Variants in MAD1L1 observed in about 807,000 individuals in gnomAD.
MAD1L1 encodes the protein mitotic arrest deficient 1 like 1.
Under a neutral mutation model 96.9 loss-of-function variants are expected in MAD1L1, and 95 were observed. That is an observed-to-expected ratio of 0.98 (90% CI 0.83 to 1.16). MAD1L1 has a LOEUF of 1.16. Among genes scored for constraint, MAD1L1 ranks in the 50% most tolerant of loss-of-function variants. MAD1L1 has a pLI of 0.00. For synonymous variants in MAD1L1, 473 were observed against 396.6 expected, an observed-to-expected ratio of 1.19 and a Z score of -2.29; for missense variants, 1,007 against 954.4, an observed-to-expected ratio of 1.06 and a Z score of -0.73.
intron 18 of MAD1L1, among the ~76,000 whole-genome samples, chr7:1,886,693 T>C (rs1257702466): frequency 6.6e-6 from 1 of 152,278 alleles, no homozygotes; most frequent in Non-Finnish European, 1.5e-5. Context: ...GGCCTGAGCC[T>C]GGGCCTGTGA....
At chr7:1,986,276 G>A (rs1781135413) in intron 14 of MAD1L1, among the ~76,000 whole-genome samples, 1 of 130,208 alleles carries the variant, frequency 7.7e-6, no homozygotes, top group Non-Finnish European at 1.9e-5. Flanking sequence ...TACGTGTGAT[G>A]CACCTGTGTG....
At chr7:1,936,943 C>A in intron 16 of MAD1L1, 46 bp from the exon 17 acceptor site, 2 of 1,473,564 alleles carry the variant, frequency 1.4e-6, no homozygotes, top group Non-Finnish European at 1.8e-6. Flanking sequence ...CAGGCACACA[C>A]GCAGCACGGG....
chr7:2,097,596 G>A (rs1290761243), intron 11 of MAD1L1, among the ~76,000 whole-genome samples: 2 of 152,196 alleles, frequency 1.3e-5, no homozygotes, highest in Admixed American at 1.3e-4. Context: ...AAGCTATGAG[G>A]GTGAGAACCC....
At chr7:2,214,216 C>A (rs1793139850) in intron 9 of MAD1L1, among the ~76,000 whole-genome samples, 1 of 152,200 alleles carries the variant, frequency 6.6e-6, no homozygotes, top group Admixed American at 6.5e-5. Flanking sequence ...GGACATGGAG[C>A]AGCAAGCACC....
chr7:1,987,791 C>A (rs1389076476), intron 14 of MAD1L1, among the ~76,000 whole-genome samples: 1 of 152,226 alleles, frequency 6.6e-6, no homozygotes, highest in African/African-American at 2.4e-5. Flanking sequence ...TGGCAGGGCA[C>A]AGGCCCGGGG....
At chr7:1,875,401 C>A (rs1480980357) in intron 18 of MAD1L1, among the ~76,000 whole-genome samples, 9 of 152,246 alleles carry the variant, frequency 5.9e-5, no homozygotes, top group Non-Finnish European at 8.8e-5. Flanking sequence ...CCACTAAGAA[C>A]AACGCGAAGT....
intron 10 of MAD1L1, among the ~76,000 whole-genome samples, chr7:2,178,027 G>A (rs888725058): frequency 2.0e-5 from 3 of 152,180 alleles, no homozygotes; most frequent in Non-Finnish European, 2.9e-5. Flanking sequence ...AGATCTAACA[G>A]GATAAGAATT....
At position 2,156,112 on chromosome 7, in the gene MAD1L1, G is replaced by A. The variant is rs369750956; in HGVS notation, c.987-6874C>T. Among the ~76,000 whole-genome samples the A allele has an allele frequency of 4.6e-5, 7 of 152,134 alleles. No individual in the cohort carries two copies. The East Asian group carries it at 1.3e-3, about 29-fold the overall frequency. On this transcript the variant is annotated intron_variant, in intron 10 of 18. Coordinates refer to ENST00000265854, the MANE Select transcript of MAD1L1 (RefSeq NM_001013836.2). Reference sequence around the variant, plus strand: ...GTGGGCGCATGGTTTCACGGCGCGTGTGGCGAGGGCAGCGGGCGCACGGTT... The same window carrying A: ...GTGGGCGCATGGTTTCACGGCGCGTATGGCGAGGGCAGCGGGCGCACGGTT...
chr7:1,906,049 C>CA (rs10570929), intron 17 of MAD1L1, among the ~76,000 whole-genome samples: 930 of 91,762 alleles, frequency 0.01, 7 homozygotes, highest in East Asian at 0.024. Flanking sequence ...GACTCCATCT[C>CA]AAAAAAAAAA....
intron 16 of MAD1L1, chr7:1,940,052 C>G (rs558386285): frequency 1.3e-5 from 2 of 152,502 alleles, no homozygotes; most frequent in Admixed American, 6.5e-5. Context: ...TGCCACCCCC[C>G]TCATGGAAGA....
chr7:1,972,549 T>C (rs1347897583), intron 15 of MAD1L1, among the ~76,000 whole-genome samples: 1 of 152,170 alleles, frequency 6.6e-6, no homozygotes, highest in Admixed American at 6.5e-5. Flanking sequence ...TTGATGATTT[T>C]GGTGGTGTCT....
At chr7:1,949,488 A>T (rs1296822284) in intron 16 of MAD1L1, among the ~76,000 whole-genome samples, 2 of 152,206 alleles carry the variant, frequency 1.3e-5, no homozygotes, top group Non-Finnish European at 2.9e-5. Flanking sequence ...GGCCATGGGC[A>T]GGCTCCAGGT....
At chr7:2,071,695 C>A (rs1336714823) in intron 11 of MAD1L1, among the ~76,000 whole-genome samples, 1 of 151,942 alleles carries the variant, frequency 6.6e-6, no homozygotes, top group African/African-American at 2.4e-5. Context: ...CAATTATGTC[C>A]GCCTGACAAG....
chr7:2,222,075 C>CTTT (rs570570176), intron 5 of MAD1L1, among the ~76,000 whole-genome samples: 21 of 141,760 alleles, frequency 1.5e-4, no homozygotes, highest in African/African-American at 3.6e-4. Flanking sequence ...AAGTGCTTAA[C>CTTT]TTTTTTTTTT....
intron 11 of MAD1L1, among the ~76,000 whole-genome samples, chr7:2,134,968 T>C (rs1425082429): frequency 1.3e-5 from 2 of 152,232 alleles, no homozygotes; most frequent in Non-Finnish European, 2.9e-5. Flanking sequence ...AGTCACCGTT[T>C]CCAGAAAAAC....
At chr7:2,220,977 A>C (rs1385231676) in intron 5 of MAD1L1, 1 of 1,612,506 alleles carries the variant, frequency 6.2e-7, no homozygotes, top group Admixed American at 1.7e-5. Context: ...GGCAAGGAAG[A>C]GGCGCATAAG....
chr7:1,892,053 G>A (rs900157958), intron 18 of MAD1L1, among the ~76,000 whole-genome samples: 5 of 152,118 alleles, frequency 3.3e-5, no homozygotes, highest in South Asian at 4.1e-4. Context: ...CTCCGTTCAC[G>A]GTGAGCACCC....
chr7:1,886,708 G>C lies in MAD1L1; in HGVS notation c.1998+11492C>G, dbSNP rs141631743. On this transcript the variant is annotated intron_variant, in intron 18 of 18. Transcript: ENST00000265854. ...GGCCTGAGCCTGGGCCTGTGATCTG[G>C]GTGACCCTGGGCAGGCCCTGCTCTG... Among the ~76,000 whole-genome samples, 4 of 152,390 alleles carry C rather than the reference G, an allele frequency of 2.6e-5. No homozygotes were observed. In the East Asian group the frequency reaches 7.7e-4, roughly 29 times the overall value.
intron 10 of MAD1L1, among the ~76,000 whole-genome samples, chr7:2,153,855 C>T (rs1389587254): frequency 6.6e-6 from 1 of 152,172 alleles, no homozygotes; most frequent in Admixed American, 6.5e-5. Flanking sequence ...GCTATCCGGC[C>T]GTAAGAAAGA....
Sources: gnomAD v4.1 joint callset for allele counts (sites outside exome capture counted in the v4.1 genomes callset) on GRCh38, gnomAD v4.1.1 for gene constraint, MANE v1.5 for transcripts, NCBI Gene and HGNC (gene_info 2026-07-23, HGNC 2026-07-21) for gene names.